Variants in AGBL4 observed in about 807,000 individuals in gnomAD.
AGBL4 encodes the protein cytosolic carboxypeptidase 6.
Under a neutral mutation model 66.4 loss-of-function variants are expected in AGBL4, and 58 were observed. The observed-to-expected ratio is 0.87, with a 90% confidence interval of 0.71 to 1.09. The LOEUF (loss-of-function observed/expected upper bound fraction) is 1.09, where lower values mean the gene tolerates loss of function less well. AGBL4 is among the 50% of genes least tolerant of loss of function. The pLI is 0.00. For synonymous variants in AGBL4, 234 were observed against 222.9 expected (o/e 1.05, Z -0.44); for missense variants, 579 against 631.0 (o/e 0.92, Z 0.88).
At chr1:48,758,978 C>A (rs760424879) in intron 6 of AGBL4, 1 of 1,612,590 alleles carries the variant, frequency 6.2e-7, no homozygotes. Context: ...GACACAAGTG[C>A]CCCGTACTCC....
intron 3 of AGBL4, among the ~76,000 whole-genome samples, chr1:49,547,257 G>T (rs892714805): frequency 6.6e-6 from 1 of 152,140 alleles, no homozygotes; most frequent in African/African-American, 2.4e-5. Flanking sequence ...TGTTGAAAAG[G>T]CTGTCCTTTC....
intron 6 of AGBL4, among the ~76,000 whole-genome samples, chr1:48,825,073 T>C (rs1206040245): frequency 6.6e-6 from 1 of 152,204 alleles, no homozygotes; most frequent in East Asian, 1.9e-4. Flanking sequence ...TGTTAGGCTC[T>C]TTATGACTCT....
intron 2 of AGBL4, among the ~76,000 whole-genome samples, chr1:49,788,786 A>G (rs1644521812): frequency 6.6e-6 from 1 of 152,254 alleles, no homozygotes; most frequent in African/African-American, 2.4e-5. Context: ...CAAGCATGTA[A>G]TAAGAGTTCC....
chr1:49,879,450 G>T (rs1464061171), intron 1 of AGBL4, among the ~76,000 whole-genome samples: 1 of 148,550 alleles, frequency 6.7e-6, no homozygotes, highest in Non-Finnish European at 1.5e-5. Context: ...GAAATTCTGG[G>T]TTGAAAATTA....
chr1:48,985,349 GAA>G (rs1201484432), intron 5 of AGBL4, among the ~76,000 whole-genome samples: 1 of 152,022 alleles, frequency 6.6e-6, no homozygotes, highest in Non-Finnish European at 1.5e-5. Flanking sequence ...GTAGAAGACA[GAA>G]AAAATTAAAG....
chr1:48,718,365 C>T (rs1327035370), intron 6 of AGBL4, among the ~76,000 whole-genome samples: 1 of 152,198 alleles, frequency 6.6e-6, no homozygotes, highest in Non-Finnish European at 1.5e-5. Context: ...GAGATTGGAG[C>T]CAACAAGGCT....
At chr1:49,761,962 T>A (rs1652356879) in intron 2 of AGBL4, among the ~76,000 whole-genome samples, 1 of 152,208 alleles carries the variant, frequency 6.6e-6, no homozygotes, top group South Asian at 2.1e-4. Flanking sequence ...CCATATTTTA[T>A]TTATCCACTC....
chr1:48,902,267 A>G (rs1322377644), intron 5 of AGBL4, among the ~76,000 whole-genome samples: 1 of 152,220 alleles, frequency 6.6e-6, no homozygotes, highest in African/African-American at 2.4e-5. Context: ...TATATTAATT[A>G]TATCTCAATT....
At chr1:49,002,611 T>G (rs1473434384) in intron 5 of AGBL4, among the ~76,000 whole-genome samples, 1 of 152,212 alleles carries the variant, frequency 6.6e-6, no homozygotes, top group Non-Finnish European at 1.5e-5. Flanking sequence ...CAATGTAATG[T>G]GTATTTTTTC....
At chr1:49,537,160 A>C (rs1410352215) in intron 3 of AGBL4, among the ~76,000 whole-genome samples, 1 of 152,200 alleles carries the variant, frequency 6.6e-6, no homozygotes, top group Non-Finnish European at 1.5e-5. Context: ...TGGAATAAAG[A>C]CTTAAATGTA....
chr1:48,733,606 A>C (rs1189282793), intron 6 of AGBL4, among the ~76,000 whole-genome samples: 1 of 152,172 alleles, frequency 6.6e-6, no homozygotes, highest in Non-Finnish European at 1.5e-5. Flanking sequence ...GGAGCTAAGG[A>C]GTGTGTAATG....
At chr1:49,553,812 TATA>T (rs1173883833) in intron 3 of AGBL4, among the ~76,000 whole-genome samples, 1 of 152,204 alleles carries the variant, frequency 6.6e-6, no homozygotes, top group Non-Finnish European at 1.5e-5. Flanking sequence ...TCTACATTAT[TATA>T]ATGTTTATAA....
chr1:49,195,774 A>G (rs553289223), intron 4 of AGBL4, among the ~76,000 whole-genome samples: 17 of 152,134 alleles, frequency 1.1e-4, no homozygotes, highest in Non-Finnish European at 2.1e-4. Context: ...CTTTGGGAGT[A>G]CTGAAGATTT....
At chr1:48,798,601 A>G (rs1645742771) in intron 6 of AGBL4, among the ~76,000 whole-genome samples, 1 of 152,216 alleles carries the variant, frequency 6.6e-6, no homozygotes, top group Admixed American at 6.5e-5. Context: ...ACTGTCTAGA[A>G]GAATTTTTCT....
chr1:49,947,991 T>TA (rs1166768216), intron 1 of AGBL4, among the ~76,000 whole-genome samples: 2 of 62,658 alleles, frequency 3.2e-5, no homozygotes, highest in East Asian at 3.7e-4. Context: ...TATATATTTA[T>TA]ATATATAAAT....
At chr1:48,927,322 A>T (rs1396287868) in intron 5 of AGBL4, among the ~76,000 whole-genome samples, 1 of 152,156 alleles carries the variant, frequency 6.6e-6, no homozygotes, top group African/African-American at 2.4e-5. Context: ...CAGGCAAGAG[A>T]GAGAGCATGT....
chr1:48,680,239 C>T (rs556248548), intron 6 of AGBL4, among the ~76,000 whole-genome samples: 11 of 152,332 alleles, frequency 7.2e-5, no homozygotes, highest in Admixed American at 1.3e-4. Context: ...AGCACAAAGT[C>T]GTTTCCCTTG....
chr1:48,888,394 G>A (rs775880055), intron 5 of AGBL4, among the ~76,000 whole-genome samples: 12 of 152,138 alleles, frequency 7.9e-5, no homozygotes, highest in Middle Eastern at 3.2e-3. Flanking sequence ...GTCCGTTAGA[G>A]GAGTTCTGCC....
intron 3 of AGBL4, among the ~76,000 whole-genome samples, chr1:49,272,261 A>C (rs1383276146): frequency 6.6e-6 from 1 of 152,108 alleles, no homozygotes; most frequent in Non-Finnish European, 1.5e-5. Context: ...AAAAATCTAA[A>C]TTCTCTGCCT....
Sources: allele counts gnomAD v4.1 joint callset (sites outside exome capture counted in the v4.1 genomes callset), GRCh38; gene constraint gnomAD v4.1.1; transcripts MANE v1.5; gene names NCBI Gene and HGNC (gene_info 2026-07-23, HGNC 2026-07-21).